The following TBC1D12 variants were observed in gnomAD, a reference collection of about 807,000 sequenced individuals.
TBC1D12 encodes TBC1 domain family, member 12.
A neutral mutation model predicts 86.7 loss-of-function variants in TBC1D12; 56 were observed. The observed-to-expected ratio is 0.65, with a 90% CI of 0.52 to 0.81. The LOEUF (loss-of-function observed/expected upper bound fraction) is 0.81. Among genes scored for constraint, TBC1D12 ranks in the 30% least tolerant of loss-of-function variants. The pLI is 0.00. For missense variants in TBC1D12, 1,023 were observed against 1,038.8 expected (o/e 0.98, Z 0.21); for synonymous variants, 421 against 411.7 (o/e 1.02, Z -0.27).
intron 3 of TBC1D12, among the ~76,000 whole-genome samples, chr10:94,490,442 T>A (rs969488636): frequency 6.6e-6 from 1 of 152,206 alleles, no homozygotes; most frequent in African/African-American, 2.4e-5. Context: ...TAGTAAGGTA[T>A]GCCTATAGTA....
In TBC1D12 at chr10:94,474,705, C is replaced by T; in HGVS notation, c.1133C>T (p.Pro378Leu). The change falls in exon 3 of 13, where the codon CCA (proline) becomes CTA (leucine). Residue 378 changes from proline to leucine, a missense_variant. Around this residue, in one of 2 missense-constraint regions of TBC1D12, gnomAD observed 395 missense variants for 507.7 expected, o/e 0.78. Transcript: ENST00000225235. ...EARTGRTCKP[P>L]PQSSRRKNFE... is the part of the protein sequence containing the mutation. ...CGAACGGGGAGGACCTGTAAACCACCACCTCAGTCTTCAAGACGCAAGAAT... is the reference window on the plus strand; with the variant it reads ...CGAACGGGGAGGACCTGTAAACCACTACCTCAGTCTTCAAGACGCAAGAAT... 1 of 1,614,062 alleles carries T rather than the reference C, an allele frequency of 6.2e-7. No individual in the cohort carries two copies. Among genetic ancestry groups the T allele is most frequent in the Non-Finnish European group, 8.5e-7 (1 of 1,180,010 alleles).
chr10:94,465,153 T>C (rs1346458017), intron 2 of TBC1D12, among the ~76,000 whole-genome samples: 1 of 152,248 alleles, frequency 6.6e-6, no homozygotes, highest in African/African-American at 2.4e-5. Context: ...GAAAAATGCA[T>C]TGGTCTTTCT....
chr10:94,484,389 G>C (rs1006660933), intron 3 of TBC1D12, among the ~76,000 whole-genome samples: 2 of 151,668 alleles, frequency 1.3e-5, no homozygotes, highest in African/African-American at 4.8e-5. Flanking sequence ...TGGGATTACA[G>C]GCCACCACAC....
At chr10:94,432,836 C>T (rs923395282) in intron 1 of TBC1D12, among the ~76,000 whole-genome samples, 1 of 151,528 alleles carries the variant, frequency 6.6e-6, no homozygotes, top group Non-Finnish European at 1.5e-5. Flanking sequence ...ACAAAAACCA[C>T]ATCCACTGAA....
chr10:94,477,289 G>A (rs1425316340), intron 3 of TBC1D12, among the ~76,000 whole-genome samples: 1 of 152,134 alleles, frequency 6.6e-6, no homozygotes, highest in Non-Finnish European at 1.5e-5. Context: ...GGCCTTTTTG[G>A]TGGGGGGACG....
chr10:94,415,350 T>G (rs1018265222), intron 1 of TBC1D12, among the ~76,000 whole-genome samples: 1 of 152,224 alleles, frequency 6.6e-6, no homozygotes, highest in Non-Finnish European at 1.5e-5. Context: ...CCCAGAGTTA[T>G]AGAGATTGGT....
chr10:94,446,419 A>T (rs1450483063), intron 2 of TBC1D12, among the ~76,000 whole-genome samples: 6 of 152,360 alleles, frequency 3.9e-5, no homozygotes, highest in South Asian at 4.1e-4. Flanking sequence ...GCTTGGAGAA[A>T]TGATGCCTCA....
At chr10:94,508,334 A>G (rs77763702) in intron 7 of TBC1D12, 5 of 151,318 alleles carry the variant, frequency 3.3e-5, no homozygotes, top group African/African-American at 4.9e-5. Flanking sequence ...GGGTCTCTCT[A>G]TGTTTCCCTG....
intron 5 of TBC1D12, 71 bp downstream of exon 5, chr10:94,497,243 T>C (rs2056332632): frequency 3.6e-6 from 3 of 840,712 alleles, no homozygotes; most frequent in South Asian, 1.9e-5. Context: ...TTTTTTTTAA[T>C]TTATTATTAT....
At chr10:94,429,558 TA>T (rs1260888711) in intron 1 of TBC1D12, among the ~76,000 whole-genome samples, 1 of 152,210 alleles carries the variant, frequency 6.6e-6, no homozygotes, top group Non-Finnish European at 1.5e-5. Context: ...TTCTTTGAAT[TA>T]ATTATGTAGT....
At chr10:94,472,510 T>C (rs188208835) in intron 2 of TBC1D12, among the ~76,000 whole-genome samples, 387 of 152,328 alleles carry the variant, frequency 2.5e-3, no homozygotes, top group Non-Finnish European at 2.7e-3. Context: ...TTTGTTTGCA[T>C]GGAAAATGTT....
chr10:94,421,003 T>A (rs2055066126), intron 1 of TBC1D12, among the ~76,000 whole-genome samples: 1 of 152,202 alleles, frequency 6.6e-6, no homozygotes, highest in African/African-American at 2.4e-5. Context: ...CCTGAGAACA[T>A]TAGAAAACCC....
chr10:94,427,696 G>A (rs1375061998), intron 1 of TBC1D12, among the ~76,000 whole-genome samples: 1 of 151,910 alleles, frequency 6.6e-6, no homozygotes, highest in Non-Finnish European at 1.5e-5. Flanking sequence ...GCCGGGTGTG[G>A]TGGTGCATGC....
chr10:94,431,026 A>G lies in TBC1D12; in HGVS notation c.972-10870A>G, dbSNP rs74231364. 2.7e-3 allele frequency among the ~76,000 whole-genome samples: 418 copies of G among 152,214 alleles called. 10 individuals are homozygous for G. The East Asian group carries it at 0.059, about 22-fold the overall frequency. On this transcript the variant is annotated intron_variant, in intron 1 of 12. Coordinates refer to ENST00000225235, the MANE Select transcript of TBC1D12 (RefSeq NM_015188.2). ...TGAACATGGTATTTATATAGTGTTG[A>G]TTGGGGTGGAGGATGAATTTAAAGG...
At chr10:94,416,338 T>TA (rs1462294110) in intron 1 of TBC1D12, among the ~76,000 whole-genome samples, 1 of 152,246 alleles carries the variant, frequency 6.6e-6, no homozygotes, top group African/African-American at 2.4e-5. Context: ...TGAATTCTTT[T>TA]ACTAATTTGG....
At chr10:94,418,223 T>G (rs1192750669) in intron 1 of TBC1D12, among the ~76,000 whole-genome samples, 1 of 152,184 alleles carries the variant, frequency 6.6e-6, no homozygotes, top group African/African-American at 2.4e-5. Context: ...TCTAGCTCTA[T>G]TAATTCTCAC....
chr10:94,507,125 C>T, intron 6 of TBC1D12, 142 bp from the exon 7 acceptor site: 1 of 706,666 alleles, frequency 1.4e-6, no homozygotes, highest in East Asian at 2.8e-5. Context: ...TTGGTAGAAT[C>T]AAGTACTTAG....
intron 1 of TBC1D12, among the ~76,000 whole-genome samples, chr10:94,440,126 T>G (rs975013522): frequency 2.0e-5 from 3 of 152,206 alleles, no homozygotes; most frequent in African/African-American, 7.2e-5. Flanking sequence ...CATATGTTTA[T>G]TTCTGTTATA....
chr10:94,510,131 T>C lies in TBC1D12; in HGVS notation c.1641T>C (p.Ile547=). The C allele has an allele frequency of 6.2e-7, 1 of 1,610,060 alleles. No individual in the cohort carries two copies. Among genetic ancestry groups the C allele is most frequent in the Non-Finnish European group, 8.5e-7 (1 of 1,179,086 alleles). ...ATCGAGAGGCCAGTCTGGAATTAAT[T>C]AAGTTGGACATATCCCGTACATTTC... ...VADREASLEL[I]KLDISRTFPS... is the part of the protein sequence containing the mutation. Residue 547 remains isoleucine (I), a synonymous_variant, in exon 8 of 13, where the codon ATT becomes ATC. Transcript: ENST00000225235.
Sources: allele counts gnomAD v4.1 joint callset (sites outside exome capture counted in the v4.1 genomes callset), GRCh38; gene constraint gnomAD v4.1.1; regional missense constraint gnomAD v4.1.1; transcripts MANE v1.5; gene names NCBI Gene and HGNC (gene_info 2026-07-23, HGNC 2026-07-21).